The following FRMPD2 variants were observed in gnomAD, a reference collection of about 807,000 sequenced individuals.
The protein encoded by FRMPD2 is FERM and PDZ domain containing 2, also known as FERM and PDZ domain-containing protein 2.
FRMPD2 carries 96 observed loss-of-function variants against 140.1 expected under a neutral mutation model. The observed-to-expected ratio is 0.69, with a 90% CI of 0.58 to 0.81. FRMPD2 has a LOEUF of 0.81. Among genes scored for constraint, FRMPD2 ranks in the 40% least tolerant of loss-of-function variants. The pLI is 0.00. For missense variants in FRMPD2, 1,240 were observed against 1,447.4 expected, an observed-to-expected ratio of 0.86 and a Z score of 2.32; for synonymous variants, 449 against 547.6, an observed-to-expected ratio of 0.82 and a Z score of 2.52.
rs1839614973 is a variant in FRMPD2, at chr10:48,222,307, C to T, written c.1455+6G>A. On this transcript the variant is annotated splice_donor_region_variant and intron_variant, in intron 12 of 28. Transcript: ENST00000374201. ...CCACACAAAGGCCCCTGGTGTTCAC[C>T]CCTACCTCCTTAGGGTAATTGCCAA... The T allele has an allele frequency of 6.2e-7, 1 of 1,613,246 alleles. No individual in the cohort carries two copies. Among genetic ancestry groups the T allele is most frequent in the Non-Finnish European group, 8.5e-7 (1 of 1,179,712 alleles).
At position 48,187,310 on chromosome 10, in the gene FRMPD2, T is replaced by C; in HGVS notation, c.2166-18A>G. 6.2e-7 allele frequency: 1 copy of C among 1,610,288 alleles called. No individual in the cohort carries two copies. The highest frequency in any genetic ancestry group is 1.3e-5 in the African/African-American group (1 of 74,844). On this transcript the variant is annotated intron_variant, in intron 16 of 28. Coordinates refer to ENST00000374201, the MANE Select transcript of FRMPD2 (RefSeq NM_001018071.4). ...TGCAGGGGCTGCCGGGAAAAGAAAA[T>C]GAGGTTAGATAAGGTGGCCCACGGG...
At chr10:48,231,811 G>T (rs1839853662) in intron 10 of FRMPD2, among the ~76,000 whole-genome samples, 2 of 152,204 alleles carry the variant, frequency 1.3e-5, no homozygotes, top group African/African-American at 2.4e-5. Flanking sequence ...TGCATCATTA[G>T]ATGGAAATGC....
In FRMPD2 at chr10:48,206,829, G is replaced by A; in HGVS notation, c.1716C>T (p.Val572=). ...EMALGICAKG[V]IVYEVKNNSR... ...TGTTGTTTTTCACTTCATAGACTATGACACCCTTGGCACAGATCCCCAGGG... is the reference window on the plus strand; with the variant it reads ...TGTTGTTTTTCACTTCATAGACTATAACACCCTTGGCACAGATCCCCAGGG... The change falls in exon 14 of 29, where the codon GTC becomes GTT. Residue 572 remains valine (V), a synonymous_variant. Transcript: ENST00000374201. The A allele has an allele frequency of 1.2e-6, 2 of 1,614,044 alleles. No homozygotes were observed. Among genetic ancestry groups the A allele is most frequent in the Non-Finnish European group, 1.7e-6 (2 of 1,179,936 alleles).
intron 13 of FRMPD2, among the ~76,000 whole-genome samples, chr10:48,208,199 C>T (rs1032170462): frequency 6.6e-6 from 1 of 152,112 alleles, no homozygotes; most frequent in African/African-American, 2.4e-5. Context: ...TAGGCAGACG[C>T]TTTTAAAGAA....
Position 48,187,333 on chromosome 10 carries a change from G to C in FRMPD2, c.2166-41C>G, listed in dbSNP as rs530514845. ...AATGAGGTTAGATAAGGTGGCCCAC[G>C]GGGAAGGACAGTGAGGTTAGATAAG... On this transcript the variant is annotated intron_variant, in intron 16 of 28. Transcript: ENST00000374201. 3 of 1,570,510 alleles carry C rather than the reference G, an allele frequency of 1.9e-6. No homozygotes were observed. In the Admixed American group the frequency reaches 5.1e-5, roughly 26 times the overall value.
chr10:48,233,459 C>T (rs547947042), intron 9 of FRMPD2, among the ~76,000 whole-genome samples: 4 of 152,292 alleles, frequency 2.6e-5, no homozygotes, highest in Admixed American at 2.0e-4. Flanking sequence ...TTGCGAGAGC[C>T]AGGAAGGCTG....
chr10:48,225,888 A>G (rs994277994), intron 10 of FRMPD2, among the ~76,000 whole-genome samples: 4 of 151,984 alleles, frequency 2.6e-5, no homozygotes, highest in Non-Finnish European at 5.9e-5. Context: ...ACTTGATTCG[A>G]GATCTGGTTT....
chr10:48,227,365 T>C (rs1314114913), intron 10 of FRMPD2, among the ~76,000 whole-genome samples: 2 of 152,186 alleles, frequency 1.3e-5, no homozygotes, highest in Admixed American at 6.5e-5. Context: ...CTCCACCAGC[T>C]GGGTGGTGGA....
chr10:48,176,676 G>A (rs1554792215), intron 22 of FRMPD2, among the ~76,000 whole-genome samples: 1 of 150,790 alleles, frequency 6.6e-6, no homozygotes, highest in African/African-American at 2.5e-5. Context: ...ATATATTTGT[G>A]AATAACCCAA....
intron 10 of FRMPD2, among the ~76,000 whole-genome samples, chr10:48,228,001 T>C (rs1564432185): frequency 6.6e-6 from 1 of 152,176 alleles, no homozygotes; most frequent in Non-Finnish European, 1.5e-5. Flanking sequence ...GGTAAAATTG[T>C]AAATGTAACC....
intron 10 of FRMPD2, among the ~76,000 whole-genome samples, chr10:48,230,493 A>T (rs1044403235): frequency 6.6e-6 from 1 of 152,216 alleles, no homozygotes; most frequent in Non-Finnish European, 1.5e-5. Context: ...TTCTAGCAGA[A>T]CAAGCTTCAA....
At chr10:48,187,320 T>C (rs777537708) in intron 16 of FRMPD2, 28 bp from the exon 17 acceptor site, 10 of 1,601,696 alleles carry the variant, frequency 6.2e-6, no homozygotes, top group South Asian at 1.1e-5. Context: ...TGAGGTTAGA[T>C]AAGGTGGCCC....
Position 48,168,668 on chromosome 10 carries a change from G to GC in FRMPD2, c.3463dup (p.Ala1155GlyfsTer19). On this transcript the variant is annotated frameshift_variant, in exon 27 of 29. Coordinates refer to ENST00000374201, the MANE Select transcript of FRMPD2 (RefSeq NM_001018071.4). LOFTEE classifies it high-confidence loss of function. ...AAGGAGGAGCGTGACTTCCTGTGGG[G>GC]CCCCTCTCAGTAAATGCAGCACCTC... 9.5e-7 allele frequency: 1 copy of GC among 1,054,452 alleles called. No individual in the cohort carries two copies. The highest frequency in any genetic ancestry group is 1.3e-6 in the Non-Finnish European group (1 of 746,936). The allele number at this position is 1,054,452 out of a possible 1,614,324, so 65.3% of individuals were successfully genotyped here. A position where few individuals can be genotyped will look rare whatever the true frequency, so the allele number is the denominator to read the frequency against.
chr10:48,212,188 G>T, intron 12 of FRMPD2, 79 bp from the exon 13 acceptor site: 1 of 1,427,990 alleles, frequency 7.0e-7, no homozygotes, highest in Non-Finnish European at 9.7e-7. Flanking sequence ...AACATTATCT[G>T]TAGTCACAAT....
At chr10:48,242,446 C>T (rs892834767) in intron 4 of FRMPD2, 94 bp from the exon 5 acceptor site, 14 of 1,101,478 alleles carry the variant, frequency 1.3e-5, no homozygotes, top group African/African-American at 3.1e-5. Context: ...GACATGGAAA[C>T]GGGTGTTCCC....
At chr10:48,268,405 G>GA (rs200166320) in intron 1 of FRMPD2, among the ~76,000 whole-genome samples, 2,008 of 152,020 alleles carry the variant, frequency 0.013, 46 homozygotes, top group African/African-American at 0.046. Context: ...TATCCCAGAG[G>GA]AAAAAAAATG....
intron 28 of FRMPD2, chr10:48,159,102 G>A (rs1588794693): frequency 1.3e-5 from 6 of 452,936 alleles, no homozygotes; most frequent in African/African-American, 4.0e-5. Context: ...TGGGGTTTGT[G>A]TCCCTTCATG....
chr10:48,175,511 C>T (rs1310134271), intron 23 of FRMPD2, among the ~76,000 whole-genome samples: 6 of 151,574 alleles, frequency 4.0e-5, no homozygotes, highest in African/African-American at 9.7e-5. Flanking sequence ...CCCGGATGTG[C>T]GAGTGAGTTT....
chr10:48,218,441 T>G (rs1248959982), intron 12 of FRMPD2, among the ~76,000 whole-genome samples: 1 of 152,200 alleles, frequency 6.6e-6, no homozygotes, highest in Non-Finnish European at 1.5e-5. Flanking sequence ...CATGTGACTA[T>G]TCACTTTCTT....
Sources: gnomAD v4.1 joint callset for allele counts (sites outside exome capture counted in the v4.1 genomes callset) on GRCh38, gnomAD v4.1.1 for gene constraint, MANE v1.5 for transcripts, NCBI Gene and HGNC (gene_info 2026-07-23, HGNC 2026-07-21) for gene names.